The following ATP6V1B1 variants were observed in gnomAD, a reference collection of about 807,000 sequenced individuals.
The protein encoded by ATP6V1B1 is ATPase H+ transporting V1 subunit B1, also known as V-type proton ATPase subunit B, kidney isoform.
Under a neutral mutation model 62.1 loss-of-function variants are expected in ATP6V1B1, and 41 were observed. The observed-to-expected ratio is 0.66, with a 90% CI of 0.51 to 0.86. The LOEUF (loss-of-function observed/expected upper bound fraction) is 0.86, where lower values mean the gene tolerates loss of function less well. Ranked by LOEUF, ATP6V1B1 falls within the 40% of genes least tolerant of loss-of-function variation. The pLI, the probability that ATP6V1B1 is intolerant of heterozygous loss-of-function variation, is 0.00. For missense variants in ATP6V1B1, 651 were observed against 697.5 expected (o/e 0.93, Z 0.75); for synonymous variants, 253 against 273.4 (o/e 0.93, Z 0.74).
Position 70,963,483 on chromosome 2 carries a change from C to G in ATP6V1B1, c.1061-89C>G, listed in dbSNP as rs1680639536. The stretch of plus-strand genomic sequence containing the variant: ...CCATGCCCCCCACACATCCCTATCA[C>G]TCCCATGAGGGAAACAGACCCCAGG... On this transcript the variant is annotated intron_variant, in intron 10 of 13. Coordinates refer to ENST00000234396, the MANE Select transcript of ATP6V1B1 (RefSeq NM_001692.4). The surrounding 1 kb of genome is among the most constrained non-coding windows in gnomAD (Gnocchi z 4.3). The G allele has an allele frequency of 2.0e-6, 3 of 1,535,356 alleles. No homozygotes were observed. The African/African-American group carries it at 4.1e-5, about 21-fold the overall frequency.
intron 2 of ATP6V1B1, among the ~76,000 whole-genome samples, chr2:70,946,848 C>T (rs1357068326): frequency 6.6e-6 from 1 of 152,066 alleles, no homozygotes; most frequent in African/African-American, 2.4e-5. Flanking sequence ...AAAATGAGGC[C>T]GATCTAGGAA....
At chr2:70,964,917 C>G in intron 13 of ATP6V1B1, 41 bp from the exon 14 acceptor site, 1 of 1,614,050 alleles carries the variant, frequency 6.2e-7, no homozygotes, top group Non-Finnish European at 8.5e-7. Flanking sequence ...CTCCTTCCGC[C>G]CCACACACAT....
At chr2:70,957,237 C>G (rs1433941358) in intron 2 of ATP6V1B1, among the ~76,000 whole-genome samples, 1 of 126,618 alleles carries the variant, frequency 7.9e-6, no homozygotes, top group Non-Finnish European at 1.7e-5. Flanking sequence ...AGGTGTGCAC[C>G]ACCACACCTG....
chr2:70,958,168 G>C, intron 3 of ATP6V1B1, 24 bp downstream of exon 3: 1 of 1,610,600 alleles, frequency 6.2e-7, no homozygotes, highest in Non-Finnish European at 8.5e-7. Context: ...ATGGGACATT[G>C]GCTAGTTAAA....
At chr2:70,958,504 C>T (rs1680499208) in intron 4 of ATP6V1B1, 78 bp downstream of exon 4, 2 of 1,338,446 alleles carry the variant, frequency 1.5e-6, no homozygotes, top group South Asian at 2.4e-5. Context: ...ACCCTCAGCA[C>T]ACTACACTGT....
rs781928639 is a variant in ATP6V1B1, at chr2:70,959,890, G to C, written c.446-49G>C. 3 of 1,613,900 alleles carry C rather than the reference G, an allele frequency of 1.9e-6. No homozygotes were observed. Among genetic ancestry groups the C allele is most frequent in the Non-Finnish European group, 1.7e-6 (2 of 1,179,984 alleles). On this transcript the variant is annotated intron_variant, in intron 5 of 13. Coordinates refer to ENST00000234396, the MANE Select transcript of ATP6V1B1 (RefSeq NM_001692.4). This position sits in a 1 kb window ranked among gnomAD's most constrained non-coding sequence, Gnocchi z 4.2. ...TCTGGGGTCAGTGTCGAGGAGAGCAGGGAAGGGTTTGAACCCCTGAGCATG... is the reference window on the plus strand; with the variant it reads ...TCTGGGGTCAGTGTCGAGGAGAGCACGGAAGGGTTTGAACCCCTGAGCATG...
chr2:70,938,190 T>A (rs1308822658), intron 1 of ATP6V1B1, among the ~76,000 whole-genome samples: 1 of 151,856 alleles, frequency 6.6e-6, no homozygotes, highest in Non-Finnish European at 1.5e-5. Context: ...TGTCCCTTCA[T>A]CCACAGTGTC....
At chr2:70,961,937 G>T in intron 8 of ATP6V1B1, 1 of 559,366 alleles carries the variant, frequency 1.8e-6, no homozygotes, top group Admixed American at 3.0e-5. Context: ...CACAACCCAT[G>T]TCCAGCCACC....
intron 2 of ATP6V1B1, among the ~76,000 whole-genome samples, chr2:70,952,933 A>G (rs1173524053): frequency 6.6e-6 from 1 of 152,170 alleles, no homozygotes; most frequent in Admixed American, 6.5e-5. Flanking sequence ...TGCTTTATGC[A>G]TCGTATCATT....
At chr2:70,961,528 T>G in intron 7 of ATP6V1B1, 68 bp from the exon 8 acceptor site, 2 of 1,519,532 alleles carry the variant, frequency 1.3e-6, no homozygotes, top group Non-Finnish European at 1.8e-6. Flanking sequence ...TGAGGACACC[T>G]GGGAGGGGCC....
chr2:70,964,131 T>TTTTTTTTTTTTTTTTTTC, intron 11 of ATP6V1B1: 2 of 307,462 alleles, frequency 6.5e-6, no homozygotes, highest in Non-Finnish European at 1.2e-5. Flanking sequence ...TTTTTTTTTT[T>TTTTTTTTTTTTTTTTTTC]TTTTTGCAGC....
intron 2 of ATP6V1B1, among the ~76,000 whole-genome samples, chr2:70,952,856 T>C (rs1204366356): frequency 1.3e-5 from 2 of 152,232 alleles, no homozygotes; most frequent in African/African-American, 4.8e-5. Context: ...AGCTAGTTCC[T>C]CCCGTACAAG....
At chr2:70,937,669 A>C (rs1553415693) in intron 1 of ATP6V1B1, among the ~76,000 whole-genome samples, 1 of 151,788 alleles carries the variant, frequency 6.6e-6, no homozygotes, top group African/African-American at 2.4e-5. Flanking sequence ...TCCTCCCTGC[A>C]GGCACCCGGG....
In ATP6V1B1 at chr2:70,962,807, G is replaced by A. The variant is rs372478273; in HGVS notation, c.816G>A (p.Ala272=). The A allele has an allele frequency of 1.4e-5, 22 of 1,613,996 alleles. No individual in the cohort carries two copies. The highest frequency in any genetic ancestry group is 8.3e-5 in the Admixed American group (5 of 60,016). ...AGCGGATCATCACCCCGCGCCTGGCGCTGACCACTGCTGAATTCCTTGCCT... is the reference window on the plus strand; with the variant it reads ...AGCGGATCATCACCCCGCGCCTGGCACTGACCACTGCTGAATTCCTTGCCT... The part of the protein sequence containing the change: ...TIERIITPRL[A]LTTAEFLAYQ... Residue 272 remains alanine (A), a synonymous_variant, in exon 9 of 14, where the codon GCG becomes GCA. Coordinates refer to ENST00000234396, the MANE Select transcript of ATP6V1B1 (RefSeq NM_001692.4).
chr2:70,961,875 C>G (rs1306226634), intron 8 of ATP6V1B1, 182 bp downstream of exon 8: 18 of 656,030 alleles, frequency 2.7e-5, no homozygotes, highest in Admixed American at 8.7e-5. Context: ...AACTCACAGG[C>G]AGAGGGAGCC....
At chr2:70,954,122 T>C (rs1371799297) in intron 2 of ATP6V1B1, among the ~76,000 whole-genome samples, 1 of 152,204 alleles carries the variant, frequency 6.6e-6, no homozygotes, top group Non-Finnish European at 1.5e-5. Flanking sequence ...TTTTCTGTTT[T>C]AATAATTTCT....
chr2:70,962,966 G>A (rs888685755), intron 9 of ATP6V1B1, 66 bp downstream of exon 9: 3 of 1,609,878 alleles, frequency 1.9e-6, no homozygotes, highest in Non-Finnish European at 2.5e-6. Flanking sequence ...ACCCCAGACG[G>A]TCACCCTGCA....
chr2:70,937,677 G>A (rs1198101647), intron 1 of ATP6V1B1, among the ~76,000 whole-genome samples: 1 of 151,858 alleles, frequency 6.6e-6, no homozygotes, highest in Non-Finnish European at 1.5e-5. Context: ...GCAGGCACCC[G>A]GGAGTTGCTG....
chr2:70,955,280 C>T (rs1680406795), intron 2 of ATP6V1B1, among the ~76,000 whole-genome samples: 1 of 152,224 alleles, frequency 6.6e-6, no homozygotes, highest in Non-Finnish European at 1.5e-5. Flanking sequence ...CAAGTTCGAC[C>T]TCCTGGGCTC....
Sources: gnomAD v4.1 joint callset for allele counts (sites outside exome capture counted in the v4.1 genomes callset) on GRCh38, gnomAD v4.1.1 for gene constraint, Gnocchi (gnomAD v3.1) non-coding constraint, MANE v1.5 for transcripts, NCBI Gene and HGNC (gene_info 2026-07-23, HGNC 2026-07-21) for gene names.